PACS2: variants seen among roughly 807,000 people sequenced by gnomAD.
PACS2 encodes the protein PACS1-like protein.
In PACS2, 36 loss-of-function variants were observed where a neutral mutation model predicts 113.0. That is an observed-to-expected ratio of 0.32 (90% CI 0.24 to 0.42). The LOEUF is 0.42. Ranked by LOEUF, PACS2 falls within the 10% of genes least tolerant of loss-of-function variation. The pLI is 1.00. For missense variants in PACS2, 1,015 were observed against 1,239.5 expected (o/e 0.82, Z 2.72); for synonymous variants, 589 against 536.1 (o/e 1.10, Z -1.36).
intron 1 of PACS2, among the ~76,000 whole-genome samples, chr14:105,344,614 C>A (rs76678576): frequency 6.6e-6 from 1 of 152,108 alleles, no homozygotes; most frequent in Admixed American, 6.5e-5. Flanking sequence ...TGCTTTCCTT[C>A]TTTTACTTCT....
rs1324737637 is a variant in PACS2 at position 105,340,806 on chromosome 14, C to G, written c.120-7687C>G. Among the ~76,000 whole-genome samples, 2 of 152,252 alleles carry G rather than the reference C, an allele frequency of 1.3e-5. No homozygotes were observed. Among genetic ancestry groups the G allele is most frequent in the Non-Finnish European group, 1.5e-5 (1 of 68,042 alleles). Reference sequence around the variant, plus strand: ...AGGGGCATCTCCTGTCCTGGCTTGGCTTCTGCCCCTGGGTCCGTGGTGGCT... The same window carrying G: ...AGGGGCATCTCCTGTCCTGGCTTGGGTTCTGCCCCTGGGTCCGTGGTGGCT... On this transcript the variant is annotated intron_variant, in intron 1 of 24. Coordinates refer to ENST00000447393, the MANE Select transcript of PACS2 (RefSeq NM_001100913.3). The surrounding 1 kb of genome is among the most constrained non-coding windows in gnomAD (Gnocchi z 4.2).
In PACS2 at chr14:105,392,649, G is replaced by T; in HGVS notation, c.2286G>T (p.Leu762=). Residue 762 remains leucine (L), a synonymous_variant, in exon 23 of 25, where the codon CTG becomes CTT. Transcript: ENST00000447393. The stretch of plus-strand genomic sequence containing the variant: ...GTGTCGGCGCCGAGCTGATGGGGCT[G>T]CAGGTGGACTACTGGACGGCAGCAC... The part of the protein sequence containing the change: ...SQGVGAELMG[L]QVDYWTAAQP... 1 of 1,611,476 alleles carries T rather than the reference G, an allele frequency of 6.2e-7. No homozygotes were observed. Among genetic ancestry groups the T allele is most frequent in the Non-Finnish European group, 8.5e-7 (1 of 1,179,372 alleles).
intron 4 of PACS2, among the ~76,000 whole-genome samples, chr14:105,360,542 CAAAA>C (rs60526490): frequency 5.9e-5 from 6 of 101,916 alleles, no homozygotes; most frequent in Non-Finnish European, 8.7e-5. Flanking sequence ...GACTTCCTCT[CAAAA>C]AAAAAAAAAA....
rs1345605264 is a variant in PACS2, at chr14:105,376,641, G to A, written c.802-127G>A. 2 of 771,826 alleles carry A rather than the reference G, an allele frequency of 2.6e-6. No individual in the cohort carries two copies. The highest frequency in any genetic ancestry group is 4.2e-6 in the Non-Finnish European group (2 of 479,878). The allele number at this position is 771,826 out of a possible 1,614,324, so 47.8% of individuals were successfully genotyped here. ...ACAGAAGCTGGACTACAGCCGTGCT[G>A]AGTGGAGGGGTTTGGTGGCTGGGTG... is the stretch of plus-strand genomic sequence containing the variant. On this transcript the variant is annotated intron_variant, in intron 8 of 24. Coordinates refer to ENST00000447393, the MANE Select transcript of PACS2 (RefSeq NM_001100913.3). The surrounding 1 kb of genome is among the most constrained non-coding windows in gnomAD (Gnocchi z 4.7).
intron 1 of PACS2, among the ~76,000 whole-genome samples, chr14:105,326,905 G>A (rs587635832): frequency 2.6e-5 from 4 of 152,176 alleles, no homozygotes; most frequent in African/African-American, 9.7e-5. Context: ...CTGTTCCTTC[G>A]GCTCCTGCAG....
At chr14:105,310,679 T>C (rs781478854), upstream of PACS2, among the ~76,000 whole-genome samples, 6 of 152,152 alleles carry the variant, frequency 3.9e-5, no homozygotes, top group African/African-American at 1.4e-4. Context: ...CCCAGCCAGA[T>C]GGCGCCCGGC....
intron 9 of PACS2, among the ~76,000 whole-genome samples, chr14:105,379,469 G>A (rs902845256): frequency 1.3e-5 from 2 of 152,232 alleles, no homozygotes; most frequent in African/African-American, 4.8e-5. Context: ...TGTGTTTCCT[G>A]CAGCTGATGT....
At chr14:105,373,681 G>A (rs968765700) in intron 8 of PACS2, among the ~76,000 whole-genome samples, 3 of 152,028 alleles carry the variant, frequency 2.0e-5, no homozygotes, top group Non-Finnish European at 4.4e-5. Flanking sequence ...CCAGCTACTC[G>A]GAAGGCTGAG....
At position 105,333,579 on chromosome 14, in the gene PACS2, C is replaced by T. The variant is rs587773786; in HGVS notation, c.120-14914C>T. ...GCAGTCTGGGGATGTTCCTGGGACC[C>T]GTTGGGCTTGCGGTGGCCACTTGGG... On this transcript the variant is annotated intron_variant, in intron 1 of 24. Transcript: ENST00000447393. Among the ~76,000 whole-genome samples the T allele has an allele frequency of 3.9e-5, 6 of 152,338 alleles. No homozygotes were observed. The East Asian group carries it at 5.8e-4, about 15-fold the overall frequency.
At chr14:105,344,375 C>T (rs146814670) in intron 1 of PACS2, among the ~76,000 whole-genome samples, 94 of 152,156 alleles carry the variant, frequency 6.2e-4, no homozygotes, top group African/African-American at 2.0e-3. Context: ...ACTACAACCT[C>T]TGCCTCCCCA....
chr14:105,391,265 C>CCTGA lies in PACS2; in HGVS notation c.2119+17_2119+20dup. The CCTGA allele has an allele frequency of 4.4e-6, 7 of 1,603,974 alleles. No individual in the cohort carries two copies. Among genetic ancestry groups the CCTGA allele is most frequent in the Non-Finnish European group, 6.0e-6 (7 of 1,171,142 alleles). ...GCCACATCAGGTAACCCCGTCCCACCCTGAGGCCTTGTGAGTGGCCCGTGG... is the reference window on the plus strand; with the variant it reads ...GCCACATCAGGTAACCCCGTCCCACCCTGACTGAGGCCTTGTGAGTGGCCCGTGG... On this transcript the variant is annotated intron_variant, in intron 21 of 24. Coordinates refer to ENST00000447393, the MANE Select transcript of PACS2 (RefSeq NM_001100913.3).
intron 19 of PACS2, among the ~76,000 whole-genome samples, chr14:105,386,884 C>T (rs946549240): frequency 1.1e-4 from 16 of 152,284 alleles, no homozygotes; most frequent in African/African-American, 2.4e-4. Flanking sequence ...CAGCAGCCTC[C>T]GCCCTTGCCC....
At chr14:105,362,194 G>A (rs1326058834) in intron 4 of PACS2, among the ~76,000 whole-genome samples, 5 of 151,862 alleles carry the variant, frequency 3.3e-5, no homozygotes, top group Middle Eastern at 3.4e-3. Context: ...CACGGTGGGC[G>A]GATCACGAGG....
Position 105,320,875 on chromosome 14 carries a change from G to A in PACS2, c.119+5838G>A, listed in dbSNP as rs186818748. ...CACTTATAAAATAACCTGACTGGCC[G>A]GGCCTGGTGGTTCACACCTGTAATC... On this transcript the variant is annotated intron_variant, in intron 1 of 24. Transcript: ENST00000447393. Among the ~76,000 whole-genome samples, 6 of 152,250 alleles carry A rather than the reference G, an allele frequency of 3.9e-5. 1 individual carries two copies. The highest frequency in any genetic ancestry group is 8.8e-5 in the Non-Finnish European group (6 of 68,018).
chr14:105,376,547 G>A lies in PACS2; in HGVS notation c.802-221G>A, dbSNP rs2080784196. 6.6e-6 allele frequency among the ~76,000 whole-genome samples: 1 copy of A among 152,184 alleles called. No individual in the cohort carries two copies. The highest frequency in any genetic ancestry group is 1.5e-5 in the Non-Finnish European group (1 of 68,020). On this transcript the variant is annotated intron_variant, in intron 8 of 24. Transcript: ENST00000447393. The surrounding 1 kb of genome is among the most constrained non-coding windows in gnomAD (Gnocchi z 4.7). ...CAGATGACTGCACCAGCCCAGGGGA[G>A]GTGGAGGAATGCCACACGCACCGGT...
Position 105,358,307 on chromosome 14 carries a change from G to T in PACS2, c.423+3130G>T, listed in dbSNP as rs1482195898. On this transcript the variant is annotated intron_variant, in intron 4 of 24. Coordinates refer to ENST00000447393, the MANE Select transcript of PACS2 (RefSeq NM_001100913.3). This position sits in a 1 kb window ranked among gnomAD's most constrained non-coding sequence, Gnocchi z 4.9. ...GCAGTTCTGGCTGGGACCATCAGGAGTGACCGCAGCCCCAGGGCCTGCTGG... is the reference window on the plus strand; with the variant it reads ...GCAGTTCTGGCTGGGACCATCAGGATTGACCGCAGCCCCAGGGCCTGCTGG... Among the ~76,000 whole-genome samples, 1 of 152,226 alleles carries T rather than the reference G, an allele frequency of 6.6e-6. No individual in the cohort carries two copies. The highest frequency in any genetic ancestry group is 1.5e-5 in the Non-Finnish European group (1 of 68,020).
upstream of PACS2, among the ~76,000 whole-genome samples, chr14:105,311,742 A>G (rs587707873): frequency 6.6e-6 from 1 of 152,320 alleles, no homozygotes; most frequent in South Asian, 2.1e-4. Context: ...GGGTGCAGCG[A>G]TCTCAGCGGT....
At chr14:105,319,990 T>C (rs1370105362) in intron 1 of PACS2, among the ~76,000 whole-genome samples, 2 of 152,376 alleles carry the variant, frequency 1.3e-5, no homozygotes, top group East Asian at 3.9e-4. Flanking sequence ...TCTTTTCTTT[T>C]CTTTTTGAGA....
chr14:105,312,901 G>A (rs1188736936), upstream of PACS2, among the ~76,000 whole-genome samples: 2 of 152,148 alleles, frequency 1.3e-5, no homozygotes, highest in South Asian at 2.1e-4. Flanking sequence ...CGGGTTCTTC[G>A]GGCCACTCTG....
Sources: allele counts gnomAD v4.1 joint callset (sites outside exome capture counted in the v4.1 genomes callset), GRCh38; gene constraint gnomAD v4.1.1; non-coding constraint Gnocchi (gnomAD v3.1); transcripts MANE v1.5; gene names NCBI Gene and HGNC (gene_info 2026-07-23, HGNC 2026-07-21).